Variants in DENND5B observed in about 807,000 individuals in gnomAD.
DENND5B encodes DENN domain-containing protein 5B.
A neutral mutation model predicts 140.6 loss-of-function variants in DENND5B; 34 were observed. The observed-to-expected ratio is 0.24, with a 90% CI of 0.18 to 0.32. DENND5B has a LOEUF of 0.32. Among genes scored for constraint, DENND5B ranks in the 10% least tolerant of loss-of-function variants. The pLI, the probability that DENND5B is intolerant of heterozygous loss-of-function variation, is 1.00. For missense variants in DENND5B, 1,142 were observed against 1,560.2 expected (o/e 0.73, Z 4.52); for synonymous variants, 551 against 562.1 (o/e 0.98, Z 0.28).
chr12:31,539,881 A>C (rs370446415), intron 1 of DENND5B, among the ~76,000 whole-genome samples: 17 of 152,172 alleles, frequency 1.1e-4, no homozygotes, highest in African/African-American at 3.6e-4. Flanking sequence ...TAGCTAGAGC[A>C]ATCAGACAAG....
chr12:31,462,867 G>C (rs947527633), intron 3 of DENND5B, among the ~76,000 whole-genome samples: 1 of 152,138 alleles, frequency 6.6e-6, no homozygotes, highest in African/African-American at 2.4e-5. Context: ...GCTAAGGCAG[G>C]AGAATTGCTT....
intron 1 of DENND5B, chr12:31,590,466 T>G (rs1370610207): frequency 5.2e-6 from 2 of 385,322 alleles, no homozygotes; most frequent in African/African-American, 2.1e-5. Flanking sequence ...CCCCCGCGCC[T>G]GTTATTAATA....
chr12:31,558,041 C>A (rs1336739198), intron 1 of DENND5B, among the ~76,000 whole-genome samples: 3 of 152,032 alleles, frequency 2.0e-5, no homozygotes, highest in African/African-American at 7.2e-5. Flanking sequence ...CAAAAGAGAT[C>A]CCGTCTCTTA....
At chr12:31,509,981 A>ATC (rs1947348586) in intron 1 of DENND5B, among the ~76,000 whole-genome samples, 1 of 152,172 alleles carries the variant, frequency 6.6e-6, no homozygotes, top group Non-Finnish European at 1.5e-5. Context: ...GACCACCATG[A>ATC]TCTAGCTGGA....
intron 12 of DENND5B, among the ~76,000 whole-genome samples, chr12:31,413,939 A>G (rs903656154): frequency 2.0e-5 from 3 of 152,212 alleles, no homozygotes; most frequent in Admixed American, 1.3e-4. Context: ...TTTTCAAAAT[A>G]ACTGTTCTAT....
intron 1 of DENND5B, among the ~76,000 whole-genome samples, chr12:31,517,840 C>T (rs1165720048): frequency 1.3e-5 from 2 of 152,152 alleles, no homozygotes; most frequent in Non-Finnish European, 2.9e-5. Flanking sequence ...AGTCAAATGA[C>T]ACTTTGGGGA....
intron 1 of DENND5B, among the ~76,000 whole-genome samples, chr12:31,552,514 T>C (rs897909256): frequency 1.3e-5 from 2 of 152,218 alleles, no homozygotes; most frequent in Non-Finnish European, 2.9e-5. Context: ...GATATTGGTC[T>C]AAAATTCTCT....
chr12:31,419,891 TG>T (rs1942938159), intron 11 of DENND5B: 1 of 443,462 alleles, frequency 2.3e-6, no homozygotes, highest in Non-Finnish European at 2.9e-6. Context: ...GAGAATCGCT[TG>T]AACCCAGGAA....
At chr12:31,582,811 C>T (rs1490638965) in intron 1 of DENND5B, among the ~76,000 whole-genome samples, 2 of 152,168 alleles carry the variant, frequency 1.3e-5, no homozygotes, top group African/African-American at 4.8e-5. Flanking sequence ...GATCTATATT[C>T]TGGTAGATTT....
At chr12:31,555,402 C>T (rs112625838) in intron 1 of DENND5B, among the ~76,000 whole-genome samples, 31 of 152,278 alleles carry the variant, frequency 2.0e-4, no homozygotes, top group South Asian at 6.2e-4. Context: ...GCTGCCTGAT[C>T]GTTCTTCTGG....
chr12:31,539,765 C>G (rs1251052863), intron 1 of DENND5B, among the ~76,000 whole-genome samples: 1 of 151,788 alleles, frequency 6.6e-6, no homozygotes. Context: ...AGACTCTCAG[C>G]TAGTATCATA....
chr12:31,509,944 G>A (rs1159383587), intron 1 of DENND5B, among the ~76,000 whole-genome samples: 1 of 152,136 alleles, frequency 6.6e-6, no homozygotes, highest in East Asian at 1.9e-4. Flanking sequence ...TGCCAACTAA[G>A]TCCAGATTCC....
chr12:31,528,267 T>A (rs1948156264), intron 1 of DENND5B, among the ~76,000 whole-genome samples: 1 of 152,200 alleles, frequency 6.6e-6, no homozygotes, highest in Non-Finnish European at 1.5e-5. Flanking sequence ...CTATGCGCAT[T>A]CTTTGGCTTA....
intron 1 of DENND5B, among the ~76,000 whole-genome samples, chr12:31,557,802 G>T (rs1462782159): frequency 7.1e-6 from 1 of 141,442 alleles, no homozygotes; most frequent in Non-Finnish European, 1.5e-5. Context: ...AGAAACTGGG[G>T]AGCTGTGGTG....
At chr12:31,439,655 T>C (rs1214862772) in intron 7 of DENND5B, among the ~76,000 whole-genome samples, 1 of 151,144 alleles carries the variant, frequency 6.6e-6, no homozygotes, top group Non-Finnish European at 1.5e-5. Flanking sequence ...AAGCACCGGG[T>C]GCAGTGGCTC....
At chr12:31,396,056 GTTTTTTT>G (rs34089984) in intron 17 of DENND5B, among the ~76,000 whole-genome samples, 3 of 112,262 alleles carry the variant, frequency 2.7e-5, no homozygotes, top group Admixed American at 2.1e-4. Flanking sequence ...GGCATTCCTT[GTTTTTTT>G]TTTTTTTTTT....
chr12:31,506,957 T>C (rs559034856), intron 1 of DENND5B, among the ~76,000 whole-genome samples: 15 of 152,298 alleles, frequency 9.8e-5, no homozygotes, highest in Non-Finnish European at 1.9e-4. Context: ...GATTAAATCA[T>C]TGGCTACAAG....
intron 2 of DENND5B, among the ~76,000 whole-genome samples, chr12:31,490,927 C>T (rs1187470971): frequency 6.6e-6 from 1 of 152,034 alleles, no homozygotes; most frequent in Admixed American, 6.6e-5. Context: ...TCTTTTGTTA[C>T]CTAAAATATA....
At chr12:31,397,590 C>T (rs1053843999) in intron 17 of DENND5B, among the ~76,000 whole-genome samples, 2 of 125,756 alleles carry the variant, frequency 1.6e-5, no homozygotes, top group Admixed American at 9.0e-5. Context: ...ATATGGCTAT[C>T]TGGGAGTACT....
Sources: gnomAD v4.1 joint callset for allele counts (sites outside exome capture counted in the v4.1 genomes callset) on GRCh38, gnomAD v4.1.1 for gene constraint, MANE v1.5 for transcripts, NCBI Gene and HGNC (gene_info 2026-07-23, HGNC 2026-07-21) for gene names.